Variants in EXOC5 observed in about 807,000 individuals in gnomAD.
The protein encoded by EXOC5 is exocyst complex component 5, also known as SEC10-like 1.
A neutral mutation model predicts 90.8 loss-of-function variants in EXOC5; 17 were observed. The observed-to-expected ratio is 0.19, with a 90% CI of 0.13 to 0.28. EXOC5 has a LOEUF of 0.28. Among genes scored for constraint, EXOC5 ranks in the 10% least tolerant of loss-of-function variants. The pLI is 1.00. For missense variants in EXOC5, 569 were observed against 830.6 expected, an observed-to-expected ratio of 0.69 and a Z score of 3.87; for synonymous variants, 260 against 270.0, an observed-to-expected ratio of 0.96 and a Z score of 0.36.
chr14:57,224,970 G>A (rs1054444898), intron 12 of EXOC5, among the ~76,000 whole-genome samples: 7 of 152,128 alleles, frequency 4.6e-5, no homozygotes, highest in African/African-American at 1.4e-4. Context: ...GCTGAGGCAG[G>A]AGAATCGCTT....
intron 1 of EXOC5, among the ~76,000 whole-genome samples, chr14:57,250,962 TACACA>T (rs1365393633): frequency 1.3e-5 from 2 of 152,196 alleles, no homozygotes; most frequent in Non-Finnish European, 2.9e-5. Context: ...AATGCAAACA[TACACA>T]ACACATGAAT....
intron 12 of EXOC5, among the ~76,000 whole-genome samples, chr14:57,224,000 G>T (rs191416957): frequency 6.6e-6 from 1 of 152,196 alleles, no homozygotes; most frequent in Admixed American, 6.5e-5. Context: ...ACATTAAAAG[G>T]ATTTGAACTG....
intron 1 of EXOC5, among the ~76,000 whole-genome samples, chr14:57,255,817 GC>G (rs1884333521): frequency 6.8e-6 from 1 of 146,474 alleles, no homozygotes; most frequent in South Asian, 2.1e-4. Flanking sequence ...GGGCGACTGA[GC>G]AAGACTCCGT....
intron 9 of EXOC5, among the ~76,000 whole-genome samples, chr14:57,233,426 G>A (rs1459603718): frequency 1.3e-5 from 2 of 151,818 alleles, no homozygotes; most frequent in Non-Finnish European, 2.9e-5. Flanking sequence ...TTTCACAAAT[G>A]ACATCTATTG....
chr14:57,240,908 G>A (rs942286985), intron 4 of EXOC5, among the ~76,000 whole-genome samples: 10 of 151,660 alleles, frequency 6.6e-5, no homozygotes, highest in Non-Finnish European at 1.0e-4. Flanking sequence ...ACTGGAGTGC[G>A]GTGGCATGAT....
At chr14:57,233,937 A>C (rs1199087179) in intron 8 of EXOC5, 51 bp downstream of exon 8, 2 of 1,596,134 alleles carry the variant, frequency 1.3e-6, no homozygotes, top group Admixed American at 3.3e-5. Flanking sequence ...CATGATTTTA[A>C]AACAACAATT....
intron 1 of EXOC5, chr14:57,268,377 C>T: frequency 9.1e-7 from 1 of 1,101,800 alleles, no homozygotes; most frequent in Non-Finnish European, 1.3e-6. Flanking sequence ...AACCCTCCTC[C>T]CTTGGGACAC....
chr14:57,212,514 A>C (rs1882859900), intron 15 of EXOC5, among the ~76,000 whole-genome samples: 1 of 152,126 alleles, frequency 6.6e-6, no homozygotes, highest in Non-Finnish European at 1.5e-5. Context: ...TAGCACAGTT[A>C]CTCTGTCCTT....
chr14:57,261,981 G>A (rs962322262), intron 1 of EXOC5, among the ~76,000 whole-genome samples: 1 of 152,112 alleles, frequency 6.6e-6, no homozygotes, highest in Non-Finnish European at 1.5e-5. Flanking sequence ...AATGTAGGAT[G>A]GCAGATCTTG....
chr14:57,235,783 C>G lies in EXOC5; in HGVS notation c.597G>C (p.Glu199Asp). The G allele has an allele frequency of 1.3e-6, 2 of 1,559,948 alleles. No individual in the cohort carries two copies. The highest frequency in any genetic ancestry group is 8.7e-7 in the Non-Finnish European group (1 of 1,149,546). Residue 199 changes from glutamate (E) to aspartate (D), a missense_variant, in exon 7 of 18, where the codon GAG becomes GAC. Coordinates refer to ENST00000621441, the MANE Select transcript of EXOC5 (RefSeq NM_006544.4). ...YHDLECQLIQ[E>D]FTSAQRRGEI... is the part of the protein sequence containing the mutation. Reference sequence around the variant, plus strand: ...CACCTCTTCTTTGAGCACTGGTAAACTCCTGAATCAGCTGGCATTCTAAAT... The same window carrying G: ...CACCTCTTCTTTGAGCACTGGTAAAGTCCTGAATCAGCTGGCATTCTAAAT...
In EXOC5 at chr14:57,207,693, C is replaced by A. The variant is rs377070499; in HGVS notation, c.*916G>T. On this transcript the variant is annotated 3_prime_UTR_variant, in exon 18 of 18. Coordinates refer to ENST00000621441, the MANE Select transcript of EXOC5 (RefSeq NM_006544.4). Reference sequence around the variant, plus strand: ...TCCATCTTATTCAAGTTTAGCATTACGACAGAAATCTCAAAGGGCTGCATG... The same window carrying A: ...TCCATCTTATTCAAGTTTAGCATTAAGACAGAAATCTCAAAGGGCTGCATG... 6.6e-6 allele frequency: 1 copy of A among 152,040 alleles called. No individual in the cohort carries two copies. Among genetic ancestry groups the A allele is most frequent in the Admixed American group, 6.6e-5 (1 of 15,232 alleles). The allele number at this position is 152,040 out of a possible 1,614,324, so 9.4% of individuals were successfully genotyped here.
rs1296180441 is a variant in EXOC5 at position 57,205,904 on chromosome 14, T to C, written c.*2705A>G. ...GGGACCAAAAATTGTCCTGGAATGG[T>C]CAGGTGGTCATCCATCTAAAGATCC... On this transcript the variant is annotated 3_prime_UTR_variant, in exon 18 of 18. Coordinates refer to ENST00000621441, the MANE Select transcript of EXOC5 (RefSeq NM_006544.4). 2.2e-6 allele frequency: 1 copy of C among 455,716 alleles called. No individual in the cohort carries two copies. Among genetic ancestry groups the C allele is most frequent in the South Asian group, 1.6e-5 (1 of 64,406 alleles). 28.2% of individuals were successfully genotyped at this position (455,716 alleles called of 1,614,324 possible). A position where few individuals can be genotyped will look rare whatever the true frequency, so the allele number is the denominator to read the frequency against.
chr14:57,231,687 C>T lies in EXOC5; in HGVS notation c.967G>A (p.Glu323Lys). ...TGTTTATCAGTACCTAAATTAAACTCCATCAGCTTGCTGGAAAGATTGGTG... is the reference window on the plus strand; with the variant it reads ...TGTTTATCAGTACCTAAATTAAACTTCATCAGCTTGCTGGAAAGATTGGTG... ...RTTNLSSKLM[E>K]FNLGTDKQTF... The change falls in exon 11 of 18, where the codon GAG becomes AAG. Residue 323 changes from glutamate to lysine, a missense_variant. Physicochemically the swap from Glu to Lys is moderately conservative, Grantham distance 56. Around this residue, in one of 9 missense-constraint regions of EXOC5, gnomAD observed 114 missense variants for 111.2 expected, o/e 1.03. Coordinates refer to ENST00000621441, the MANE Select transcript of EXOC5 (RefSeq NM_006544.4). 1.9e-6 allele frequency: 3 copies of T among 1,608,146 alleles called. No individual in the cohort carries two copies. Among genetic ancestry groups the T allele is most frequent in the Non-Finnish European group, 2.5e-6 (3 of 1,177,974 alleles).
chr14:57,223,050 C>A (rs1464717508), intron 12 of EXOC5, among the ~76,000 whole-genome samples: 1 of 152,018 alleles, frequency 6.6e-6, no homozygotes, highest in African/African-American at 2.4e-5. Context: ...TTTAACCCCA[C>A]CATGCCTCAA....
rs1045205019 is a variant in EXOC5, at chr14:57,201,473, C to T, written c.*7136G>A. On this transcript the variant is annotated 3_prime_UTR_variant, in exon 18 of 18. Coordinates refer to ENST00000621441, the MANE Select transcript of EXOC5 (RefSeq NM_006544.4). Reference sequence around the variant, plus strand: ...ATATATACACACGCGTGTATATGTACACACACGTGTATAAACACACGTGTA... The same window carrying T: ...ATATATACACACGCGTGTATATGTATACACACGTGTATAAACACACGTGTA... 9.5e-5 allele frequency: 13 copies of T among 136,696 alleles called. No individual in the cohort carries two copies. The highest frequency in any genetic ancestry group is 2.9e-4 in the African/African-American group (9 of 30,564). The allele number at this position is 136,696 out of a possible 1,614,324, so 8.5% of individuals were successfully genotyped here.
chr14:57,261,602 A>G (rs1463072615), intron 1 of EXOC5, among the ~76,000 whole-genome samples: 1 of 152,220 alleles, frequency 6.6e-6, no homozygotes, highest in African/African-American at 2.4e-5. Flanking sequence ...CAACCACTCA[A>G]ATAGTTAGTG....
chr14:57,219,270 A>G, intron 14 of EXOC5, 52 bp downstream of exon 14: 1 of 1,086,080 alleles, frequency 9.2e-7, no homozygotes, highest in Non-Finnish European at 1.3e-6. Context: ...GATTATGTAG[A>G]ATGCTATAAT....
At chr14:57,215,418 A>G (rs1473470139) in intron 15 of EXOC5, among the ~76,000 whole-genome samples, 1 of 152,002 alleles carries the variant, frequency 6.6e-6, no homozygotes, top group Non-Finnish European at 1.5e-5. Context: ...GATGTAAAAA[A>G]AAAAAATAGC....
chr14:57,249,584 T>C (rs1884128723), intron 1 of EXOC5, among the ~76,000 whole-genome samples: 1 of 152,086 alleles, frequency 6.6e-6, no homozygotes, highest in South Asian at 2.1e-4. Context: ...TACTACGTGC[T>C]AGAGACTATT....
Sources: allele counts gnomAD v4.1 joint callset (sites outside exome capture counted in the v4.1 genomes callset), GRCh38; gene constraint gnomAD v4.1.1; regional missense constraint gnomAD v4.1.1; transcripts MANE v1.5; gene names NCBI Gene and HGNC (gene_info 2026-07-23, HGNC 2026-07-21).